MRAP2: variants seen among roughly 807,000 people sequenced by gnomAD.
MRAP2 encodes melanocortin 2 receptor accessory protein 2, also known as melanocortin-2 receptor accessory protein 2.
In MRAP2, 20 loss-of-function variants were observed where a neutral mutation model predicts 17.4. The observed-to-expected ratio is 1.15, with a 90% CI of 0.81 to 1.67. MRAP2 has a LOEUF of 1.67. Ranked by LOEUF, MRAP2 falls within the 40% of genes most tolerant of loss-of-function variation. The pLI is 0.00. For synonymous variants in MRAP2, 96 were observed against 88.4 expected, an observed-to-expected ratio of 1.09 and a Z score of -0.48; for missense variants, 238 against 240.0, an observed-to-expected ratio of 0.99 and a Z score of 0.05.
At chr6:84,083,422 A>G (rs2054493231) in intron 3 of MRAP2, among the ~76,000 whole-genome samples, 1 of 152,234 alleles carries the variant, frequency 6.6e-6, no homozygotes, top group African/African-American at 2.4e-5. Flanking sequence ...AGTTAAATAT[A>G]TGGGTATTTT....
chr6:84,062,120 A>G lies in MRAP2; in HGVS notation c.128-773A>G, dbSNP rs947868630. 3 of 985,356 alleles carry G rather than the reference A, an allele frequency of 3.0e-6. No individual in the cohort carries two copies. The African/African-American group carries it at 5.2e-5, about 17-fold the overall frequency. The allele number at this position is 985,356 out of a possible 1,614,324, so 61.0% of individuals were successfully genotyped here. On this transcript the variant is annotated intron_variant, in intron 2 of 3. Transcript: ENST00000257776. ...TGAGATGCTAACCAATTGAGTTGTT[A>G]AACTAAAATTTGGCCCAAGAAGGCC...
At chr6:84,142,396 A>G in the MRAP2 span, among the ~76,000 whole-genome samples, 1 of 152,208 alleles carries the variant, frequency 6.6e-6, no homozygotes, top group Non-Finnish European at 1.5e-5. Flanking sequence ...GTTTATGTAC[A>G]TCTATGTGTA....
intron 3 of MRAP2, among the ~76,000 whole-genome samples, chr6:84,064,112 CA>C (rs1554436052): frequency 6.6e-6 from 1 of 151,236 alleles, no homozygotes; most frequent in Non-Finnish European, 1.5e-5. Flanking sequence ...GGGAAGAGGG[CA>C]ACTACGCAGG....
intron 1 of MRAP2, among the ~76,000 whole-genome samples, chr6:84,036,572 T>C (rs2099486047): frequency 6.6e-6 from 1 of 152,146 alleles, no homozygotes; most frequent in Admixed American, 6.5e-5. Flanking sequence ...CGGTGAGTGT[T>C]ACAGCTCATA....
rs116587512 is a variant in MRAP2, at chr6:84,054,046, G to A, written c.-7-1266G>A. 5.6e-3 allele frequency among the ~76,000 whole-genome samples: 849 copies of A among 152,104 alleles called. 10 individuals are homozygous for A. The highest frequency in any genetic ancestry group is 0.019 in the African/African-American group (790 of 41,494). ...CCCTGGAGGCAGTGGGGACGGATGC[G>A]GGCGAAAGAAACCTCAGAAAGCTCT... On this transcript the variant is annotated intron_variant, in intron 1 of 3. Transcript: ENST00000257776.
At chr6:84,046,414 A>G (rs1305087696) in intron 1 of MRAP2, among the ~76,000 whole-genome samples, 1 of 152,110 alleles carries the variant, frequency 6.6e-6, no homozygotes, top group Non-Finnish European at 1.5e-5. Flanking sequence ...AAGCTTTGGA[A>G]TGATAATTTG....
chr6:84,078,310 G>A (rs1198697264), intron 3 of MRAP2, among the ~76,000 whole-genome samples: 1 of 152,096 alleles, frequency 6.6e-6, no homozygotes, highest in Non-Finnish European at 1.5e-5. Flanking sequence ...AAATAACTCA[G>A]TTTTTAAATA....
chr6:84,058,979 G>A (rs1169311004), intron 2 of MRAP2, among the ~76,000 whole-genome samples: 1 of 152,068 alleles, frequency 6.6e-6, no homozygotes, highest in Admixed American at 6.6e-5. Flanking sequence ...AGGAATTGGG[G>A]ACAGCATGTA....
Position 84,089,813 on chromosome 6 carries a change from T to G in MRAP2, c.*332T>G, listed in dbSNP as rs914040897. On this transcript the variant is annotated 3_prime_UTR_variant, in exon 4 of 4. Transcript: ENST00000257776. ...AAACTTTATTAAAACATGAGTTTTG[T>G]TTTTTTTTTTGCTATTTTTTTTAAA... 7.2e-5 allele frequency: 10 copies of G among 138,128 alleles called. No homozygotes were observed. Among genetic ancestry groups the G allele is most frequent in the East Asian group, 4.9e-4 (4 of 8,134 alleles). The allele number at this position is 138,128 out of a possible 1,614,324, so 8.6% of individuals were successfully genotyped here.
At chr6:84,125,046 G>A in the MRAP2 span, 2 of 1,569,044 alleles carry the variant, frequency 1.3e-6, no homozygotes, top group East Asian at 2.2e-5. Flanking sequence ...TTTTAATAAG[G>A]TCATTATGAA....
At chr6:84,068,298 A>T (rs1422488628) in intron 3 of MRAP2, among the ~76,000 whole-genome samples, 1 of 152,128 alleles carries the variant, frequency 6.6e-6, no homozygotes, top group Admixed American at 6.5e-5. Flanking sequence ...GCCTTATAGT[A>T]TAGTTTGAAA....
chr6:84,091,547 A>G (rs1049568032), downstream of MRAP2, among the ~76,000 whole-genome samples: 1 of 152,142 alleles, frequency 6.6e-6, no homozygotes, highest in Non-Finnish European at 1.5e-5. Flanking sequence ...TTAACTTCTA[A>G]TATGAGTATG....
rs1017525851 is a variant in MRAP2 at position 84,089,505 on chromosome 6, T to C, written c.*24T>C. ...GAGAAACATGCTCTGTAAAGGGTCT[T>C]CCTGAAGATGTGGATTCTATCTTTA... On this transcript the variant is annotated 3_prime_UTR_variant, in exon 4 of 4. Coordinates refer to ENST00000257776, the MANE Select transcript of MRAP2 (RefSeq NM_138409.4). 4 of 1,589,548 alleles carry C rather than the reference T, an allele frequency of 2.5e-6. No homozygotes were observed. The Admixed American group carries it at 7.0e-5, about 28-fold the overall frequency.
At chr6:84,067,534 G>GCTAA (rs1173795334) in intron 3 of MRAP2, among the ~76,000 whole-genome samples, 1 of 152,076 alleles carries the variant, frequency 6.6e-6, no homozygotes, top group Non-Finnish European at 1.5e-5. Context: ...CCACATCCAT[G>GCTAA]CTAACATCTA....
rs113401007 is a variant in MRAP2 at position 84,045,740 on chromosome 6, G to A, written c.-7-9572G>A. ...ATCACGCCACTGCACTCCAGCCTGT[G>A]TGAGGAGCAAGACTGTCTCATAAAA... On this transcript the variant is annotated intron_variant, in intron 1 of 3. Transcript: ENST00000257776. Among the ~76,000 whole-genome samples the A allele has an allele frequency of 6.3e-3, 961 of 151,940 alleles. 16 individuals carry two copies. Among genetic ancestry groups the A allele is most frequent in the African/African-American group, 0.022 (898 of 41,326 alleles).
At chr6:84,137,196 T>C in the MRAP2 span, among the ~76,000 whole-genome samples, 4 of 152,216 alleles carry the variant, frequency 2.6e-5, no homozygotes, top group African/African-American at 7.2e-5. Context: ...ATGACTTGCA[T>C]TGAAGAGAAA....
the MRAP2 span, among the ~76,000 whole-genome samples, chr6:84,108,613 C>T: frequency 6.6e-6 from 1 of 151,986 alleles, no homozygotes; most frequent in African/African-American, 2.4e-5. Flanking sequence ...CAAAAATCTT[C>T]TCCCATTCCA....
the MRAP2 span, among the ~76,000 whole-genome samples, chr6:84,119,344 T>C: frequency 6.6e-6 from 1 of 152,256 alleles, no homozygotes; most frequent in African/African-American, 2.4e-5. Flanking sequence ...GTTCAATTTC[T>C]TTCACCTAAG....
chr6:84,139,568 C>T, the MRAP2 span, among the ~76,000 whole-genome samples: 3 of 152,158 alleles, frequency 2.0e-5, no homozygotes, highest in African/African-American at 7.2e-5. Flanking sequence ...GATACCCCAT[C>T]CACTCTGGAA....
Sources: gnomAD v4.1 joint callset for allele counts (sites outside exome capture counted in the v4.1 genomes callset) on GRCh38, gnomAD v4.1.1 for gene constraint, MANE v1.5 for transcripts, NCBI Gene and HGNC (gene_info 2026-07-23, HGNC 2026-07-21) for gene names.